The following ASAP2 variants were observed in gnomAD, a reference collection of about 807,000 sequenced individuals.
The protein encoded by ASAP2 is ArfGAP with SH3 domain, ankyrin repeat and PH domain 2, also known as arf-GAP with SH3 domain, ANK repeat and PH domain-containing protein 2.
A neutral mutation model predicts 131.4 loss-of-function variants in ASAP2; 45 were observed. The observed-to-expected ratio is 0.34, with a 90% CI of 0.27 to 0.44. The LOEUF is 0.44. Ranked by LOEUF, ASAP2 falls within the 20% of genes least tolerant of loss-of-function variation. The probability of loss-of-function intolerance (pLI) is 1.00; values close to 1 mark genes in which losing one functional copy is unlikely to be tolerated. For missense variants in ASAP2, 1,011 were observed against 1,297.0 expected (o/e 0.78, Z 3.39); for synonymous variants, 510 against 503.0 (o/e 1.01, Z -0.19).
intron 1 of ASAP2, among the ~76,000 whole-genome samples, chr2:9,219,314 G>A (rs1485578105): frequency 6.6e-6 from 1 of 152,234 alleles, no homozygotes; most frequent in Non-Finnish European, 1.5e-5. Flanking sequence ...TTGTGTTTAT[G>A]TTGTGGAGCA....
chr2:9,263,395 G>A (rs149345731), intron 1 of ASAP2, among the ~76,000 whole-genome samples: 3,255 of 152,328 alleles, frequency 0.021, 57 homozygotes, highest in Non-Finnish European at 0.036. Context: ...CCACGCTGCC[G>A]TGTTTGTGCT....
chr2:9,336,523 A>T (rs1671214042), intron 9 of ASAP2, among the ~76,000 whole-genome samples: 1 of 152,198 alleles, frequency 6.6e-6, no homozygotes, highest in African/African-American at 2.4e-5. Context: ...GAGCAGCCTG[A>T]GGATGCCACC....
At chr2:9,306,063 A>C (rs1224383364) in intron 3 of ASAP2, among the ~76,000 whole-genome samples, 1 of 103,574 alleles carries the variant, frequency 9.7e-6, no homozygotes, top group Non-Finnish European at 1.9e-5. Flanking sequence ...GATATGAGGT[A>C]GAGAGGCTGT....
Position 9,393,654 on chromosome 2 carries a change from C to T in ASAP2, c.2684+7C>T, listed in dbSNP as rs1212004424. 2 of 1,558,666 alleles carry T rather than the reference C, an allele frequency of 1.3e-6. No homozygotes were observed. Among genetic ancestry groups the T allele is most frequent in the Admixed American group, 1.9e-5 (1 of 53,566 alleles). ...AGAAGAAGCCTGCGCCGGGGTAAGCCACCCCCAGCCAGCTCGGCCATCCGT... is the reference window on the plus strand; with the variant it reads ...AGAAGAAGCCTGCGCCGGGGTAAGCTACCCCCAGCCAGCTCGGCCATCCGT... On this transcript the variant is annotated splice_region_variant and intron_variant, in intron 24 of 27. Transcript: ENST00000281419.
intron 3 of ASAP2, among the ~76,000 whole-genome samples, chr2:9,302,830 G>A (rs895358986): frequency 6.6e-6 from 1 of 152,142 alleles, no homozygotes; most frequent in Admixed American, 6.5e-5. Flanking sequence ...AGACATTATA[G>A]CTAACCTTAC....
rs1443555426 is a variant in ASAP2 at position 9,389,698 on chromosome 2, A to G, written c.2383+1152A>G. Among the ~76,000 whole-genome samples, 3 of 152,076 alleles carry G rather than the reference A, an allele frequency of 2.0e-5. No individual in the cohort carries two copies. Among genetic ancestry groups the G allele is most frequent in the Non-Finnish European group, 4.4e-5 (3 of 68,006 alleles). On this transcript the variant is annotated intron_variant, in intron 22 of 27. Coordinates refer to ENST00000281419, the MANE Select transcript of ASAP2 (RefSeq NM_003887.3). This position sits in a 1 kb window ranked among gnomAD's most constrained non-coding sequence, Gnocchi z 4.7. ...CACTGAGTCATACCCCGAAGAACAA[A>G]CCTGCTGAGAGCAGACCTTCCCCCA...
At chr2:9,340,882 C>A (rs1196205606) in intron 9 of ASAP2, among the ~76,000 whole-genome samples, 3 of 152,210 alleles carry the variant, frequency 2.0e-5, no homozygotes, top group Non-Finnish European at 4.4e-5. Context: ...GCTCTGAGAA[C>A]TTGTCTGGGT....
Position 9,388,492 on chromosome 2 carries a change from G to A in ASAP2, c.2329G>A (p.Ala777Thr), listed in dbSNP as rs1203146298. ...LSGSPPPAQPAAPSTTSAPPL... is the reference protein window; with the variant it reads ...LSGSPPPAQPTAPSTTSAPPL... ...TGGCAGCCCACCTCCCGCCCAGCCT[G>A]CAGCCCCCAGCACCACCAGCGCCCC... The change falls in exon 22 of 28, where the codon GCA (alanine) becomes ACA (threonine). Residue 777 changes from alanine (A) to threonine (T), a missense_variant. Physicochemically the swap from Ala to Thr is moderately conservative, Grantham distance 58 (BLOSUM62 0). This residue lies in a region of ASAP2 where 652 missense variants were observed against 698.9 expected (regional missense o/e 0.93). Transcript: ENST00000281419. 4.3e-6 allele frequency: 7 copies of A among 1,613,694 alleles called. No individual in the cohort carries two copies. Among genetic ancestry groups the A allele is most frequent in the Middle Eastern group, 1.6e-4 (1 of 6,084 alleles).
chr2:9,340,242 C>T (rs1475893026), intron 9 of ASAP2, among the ~76,000 whole-genome samples: 3 of 152,230 alleles, frequency 2.0e-5, no homozygotes, highest in South Asian at 2.1e-4. Context: ...AGGCTGGTCT[C>T]GAGCTCCTGA....
intron 20 of ASAP2, among the ~76,000 whole-genome samples, chr2:9,382,247 GTGCTGGGATTATAGGCGTGA>G (rs1430736905): frequency 6.6e-5 from 10 of 152,200 alleles, no homozygotes. Context: ...GCCTCCCAAA[GTGCTGGGATTATAGGCGTGA>G]GCCACCACAC....
intron 7 of ASAP2, among the ~76,000 whole-genome samples, chr2:9,328,597 A>G (rs1670626914): frequency 6.6e-6 from 1 of 152,200 alleles, no homozygotes; most frequent in Non-Finnish European, 1.5e-5. Context: ...AGTAGAGGAG[A>G]AGGAGAGGAT....
rs539898315 is a variant in ASAP2 at position 9,247,364 on chromosome 2, A to C, written c.127-31953A>C. Among the ~76,000 whole-genome samples, 3 of 152,340 alleles carry C rather than the reference A, an allele frequency of 2.0e-5. No homozygotes were observed. The East Asian group carries it at 5.8e-4, about 29-fold the overall frequency. ...AGTCCGCAGATGCCTAGGGAGTCCC[A>C]GACGGTCCCCGGTCCTCATTTGCAC... On this transcript the variant is annotated intron_variant, in intron 1 of 27. Transcript: ENST00000281419.
intron 1 of ASAP2, among the ~76,000 whole-genome samples, chr2:9,278,665 A>G (rs1040049836): frequency 1.3e-5 from 2 of 152,208 alleles, no homozygotes; most frequent in African/African-American, 4.8e-5. Flanking sequence ...AGTGCCATAG[A>G]CAACTGCCGT....
At chr2:9,278,515 A>C (rs1323862036) in intron 1 of ASAP2, among the ~76,000 whole-genome samples, 1 of 88,882 alleles carries the variant, frequency 1.1e-5, no homozygotes, top group Non-Finnish European at 2.7e-5. Flanking sequence ...CCCTTCTCAA[A>C]AAAAAAAAAA....
At chr2:9,229,157 C>T (rs890481710) in intron 1 of ASAP2, among the ~76,000 whole-genome samples, 6 of 152,088 alleles carry the variant, frequency 3.9e-5, no homozygotes, top group African/African-American at 1.4e-4. Context: ...GAGCCCCCCC[C>T]GCATCATCAC....
chr2:9,254,272 C>CAT lies in ASAP2; in HGVS notation c.127-25037_127-25036dup, dbSNP rs1346219264. 9.2e-5 allele frequency among the ~76,000 whole-genome samples: 10 copies of CAT among 108,910 alleles called. No homozygotes were observed. In the South Asian group the frequency reaches 1.2e-3, roughly 13 times the overall value. 71.4% of individuals were successfully genotyped at this position (108,910 alleles called of 152,430 possible). A position where few individuals can be genotyped will look rare whatever the true frequency, so the allele number is the denominator to read the frequency against. On this transcript the variant is annotated intron_variant, in intron 1 of 27. Transcript: ENST00000281419. ...ATATATATACACGTGTGTGTGTATG[C>CAT]ATATATATAGTATATTGTTATAATT...
At chr2:9,345,146 A>C (rs1184403431) in intron 11 of ASAP2, among the ~76,000 whole-genome samples, 1 of 152,152 alleles carries the variant, frequency 6.6e-6, no homozygotes, top group African/African-American at 2.4e-5. Context: ...AGCACAGAAC[A>C]GCAAACTGCT....
chr2:9,291,278 T>G (rs1667789084), intron 2 of ASAP2, among the ~76,000 whole-genome samples: 1 of 152,190 alleles, frequency 6.6e-6, no homozygotes, highest in South Asian at 2.1e-4. Context: ...ATGATACACA[T>G]TAGTAAATTG....
intron 1 of ASAP2, among the ~76,000 whole-genome samples, chr2:9,254,505 A>G (rs1435848274): frequency 1.5e-5 from 2 of 137,870 alleles, no homozygotes; most frequent in African/African-American, 5.6e-5. Flanking sequence ...GGCATGCACC[A>G]CTACCCCCAG....
Sources: gnomAD v4.1 joint callset for allele counts (sites outside exome capture counted in the v4.1 genomes callset) on GRCh38, gnomAD v4.1.1 for gene constraint, gnomAD v4.1.1 regional missense constraint, Gnocchi (gnomAD v3.1) non-coding constraint, MANE v1.5 for transcripts, NCBI Gene and HGNC (gene_info 2026-07-23, HGNC 2026-07-21) for gene names.